Variants in ATXN1 observed in about 807,000 individuals in gnomAD.
ATXN1 encodes ataxin 1.
Under a neutral mutation model 56.4 loss-of-function variants are expected in ATXN1, and 8 were observed. The observed-to-expected ratio is 0.14, with a 90% CI of 0.08 to 0.26. The LOEUF is 0.26. ATXN1 is among the 10% of genes least tolerant of loss of function. The probability of loss-of-function intolerance (pLI) is 1.00; values close to 1 mark genes in which losing one functional copy is unlikely to be tolerated. For missense variants in ATXN1, 987 were observed against 1,106.5 expected (o/e 0.89, Z 1.53); for synonymous variants, 514 against 494.6 (o/e 1.04, Z -0.52).
chr6:16,731,454 C>CTTTT (rs71559655), intron 2 of ATXN1, among the ~76,000 whole-genome samples: 2,325 of 81,364 alleles, frequency 0.029, 108 homozygotes, highest in Non-Finnish European at 0.04. Context: ...TTTTTCTTTT[C>CTTTT]TTTTTTTTTT....
intron 4 of ATXN1, among the ~76,000 whole-genome samples, chr6:16,527,215 C>G (rs1253762828): frequency 6.6e-6 from 1 of 152,032 alleles, no homozygotes; most frequent in Non-Finnish European, 1.5e-5. Flanking sequence ...TGCCATACCT[C>G]CCCCCGCGAC....
At chr6:16,584,487 A>C (rs1157588332) in intron 4 of ATXN1, among the ~76,000 whole-genome samples, 1 of 151,938 alleles carries the variant, frequency 6.6e-6, no homozygotes, top group East Asian at 1.9e-4. Flanking sequence ...GCCAGAAAGG[A>C]AGAACTTAAA....
intron 2 of ATXN1, among the ~76,000 whole-genome samples, chr6:16,661,919 C>T (rs1372171557): frequency 6.6e-6 from 1 of 152,164 alleles, no homozygotes; most frequent in Non-Finnish European, 1.5e-5. Flanking sequence ...CTAGAGACAC[C>T]CAGCTATGAT....
intron 6 of ATXN1, chr6:16,485,130 C>T (rs1402161789): frequency 6.6e-6 from 1 of 152,104 alleles, no homozygotes; most frequent in Non-Finnish European, 1.5e-5. Context: ...AATATCTTCT[C>T]GTCCTCAGAG....
rs1302333866 is a variant in ATXN1, at chr6:16,474,297, A to C, written c.-161+11675T>G. On this transcript the variant is annotated intron_variant, in intron 6 of 7. Transcript: ENST00000436367. ...TTGAAGCAGAGCTTGAAAAGCACTC[A>C]TGCACTGGGGCTTGCCCTTTCTTGC... Among the ~76,000 whole-genome samples the C allele has an allele frequency of 2.0e-5, 3 of 152,256 alleles. No homozygotes were observed. The East Asian group carries it at 5.8e-4, about 29-fold the overall frequency.
At chr6:16,484,940 A>AATAT (rs1351275321) in intron 6 of ATXN1, among the ~76,000 whole-genome samples, 1 of 123,130 alleles carries the variant, frequency 8.1e-6, no homozygotes, top group Non-Finnish European at 1.7e-5. Context: ...TGGAAACCTA[A>AATAT]ATATATATGT....
chr6:16,359,977 G>A (rs998522207), intron 6 of ATXN1, among the ~76,000 whole-genome samples: 38 of 152,150 alleles, frequency 2.5e-4, no homozygotes, highest in African/African-American at 9.2e-4. Flanking sequence ...TATAGTGCTC[G>A]GGTGATGGCT....
At chr6:16,409,296 A>G (rs1758749702) in intron 6 of ATXN1, among the ~76,000 whole-genome samples, 2 of 101,746 alleles carry the variant, frequency 2.0e-5, no homozygotes, top group African/African-American at 7.3e-5. Context: ...TTATGAAACT[A>G]AAAAAAAAAA....
chr6:16,438,349 A>G (rs892521631), intron 6 of ATXN1, among the ~76,000 whole-genome samples: 1 of 152,216 alleles, frequency 6.6e-6, no homozygotes, highest in African/African-American at 2.4e-5. Context: ...GACTCTGTTG[A>G]CTTTTTAGCA....
intron 6 of ATXN1, among the ~76,000 whole-genome samples, chr6:16,390,678 C>T (rs1480818567): frequency 1.7e-5 from 2 of 115,764 alleles, no homozygotes; most frequent in East Asian, 2.9e-4. Context: ...CAAATAAACA[C>T]ATCACACACA....
At chr6:16,560,247 T>C (rs973454293) in intron 4 of ATXN1, among the ~76,000 whole-genome samples, 4 of 152,024 alleles carry the variant, frequency 2.6e-5, no homozygotes, top group African/African-American at 7.2e-5. Flanking sequence ...CTGGCCAACA[T>C]GGTGAAACCC....
chr6:16,660,955 C>T (rs1312045646), intron 2 of ATXN1, among the ~76,000 whole-genome samples: 1 of 149,744 alleles, frequency 6.7e-6, no homozygotes, highest in Non-Finnish European at 1.5e-5. Flanking sequence ...TCTCCTGCCT[C>T]AGGCTCCCAA....
chr6:16,368,201 T>C (rs1393121452), intron 6 of ATXN1, among the ~76,000 whole-genome samples: 1 of 151,504 alleles, frequency 6.6e-6, no homozygotes, highest in Non-Finnish European at 1.5e-5. Context: ...AAAAGAAATA[T>C]ACTACAGCAT....
intron 2 of ATXN1, among the ~76,000 whole-genome samples, chr6:16,728,157 C>G (rs964446394): frequency 6.6e-6 from 1 of 152,184 alleles, no homozygotes; most frequent in Middle Eastern, 3.2e-3. Flanking sequence ...GCCACACTAC[C>G]CTGGAGCTGA....
intron 4 of ATXN1, among the ~76,000 whole-genome samples, chr6:16,535,662 A>G (rs1761583061): frequency 6.6e-6 from 1 of 152,238 alleles, no homozygotes; most frequent in Non-Finnish European, 1.5e-5. Context: ...GTAAAGGTAG[A>G]GCGTAACTGC....
chr6:16,322,631 T>G (rs1469419982), intron 7 of ATXN1, among the ~76,000 whole-genome samples: 1 of 152,174 alleles, frequency 6.6e-6, no homozygotes, highest in Non-Finnish European at 1.5e-5. Context: ...CCAGGAAGAT[T>G]CTTCAGGCTA....
intron 7 of ATXN1, among the ~76,000 whole-genome samples, chr6:16,322,842 G>A (rs529518355): frequency 6.6e-6 from 1 of 152,202 alleles, no homozygotes; most frequent in African/African-American, 2.4e-5. Context: ...GATGTCAGCC[G>A]ATTTCTGATA....
chr6:16,401,020 C>G (rs1340139319), intron 6 of ATXN1, among the ~76,000 whole-genome samples: 3 of 152,188 alleles, frequency 2.0e-5, no homozygotes, highest in South Asian at 2.1e-4. Context: ...GTTAAAATAT[C>G]CCTTCCTTTT....
At chr6:16,350,141 G>A (rs748966374) in intron 6 of ATXN1, among the ~76,000 whole-genome samples, 2 of 152,136 alleles carry the variant, frequency 1.3e-5, no homozygotes, top group Middle Eastern at 3.4e-3. Flanking sequence ...ATGGACAAGC[G>A]GAAATGCAAA....
Sources: allele counts gnomAD v4.1 joint callset (sites outside exome capture counted in the v4.1 genomes callset), GRCh38; gene constraint gnomAD v4.1.1; transcripts MANE v1.5; gene names NCBI Gene and HGNC (gene_info 2026-07-23, HGNC 2026-07-21).